Variants in PLPP4 observed in about 807,000 individuals in gnomAD.
The protein encoded by PLPP4 is diacylglycerol pyrophosphate like 2.
In PLPP4, 20 loss-of-function variants were observed where a neutral mutation model predicts 32.2. That is an observed-to-expected ratio of 0.62 (90% CI 0.44 to 0.90). The LOEUF (loss-of-function observed/expected upper bound fraction) is 0.90, where lower values mean the gene tolerates loss of function less well. PLPP4 is among the 40% of genes least tolerant of loss of function. PLPP4 has a pLI of 0.00. For synonymous variants in PLPP4, 127 were observed against 133.0 expected (o/e 0.95, Z 0.31); for missense variants, 257 against 353.1 (o/e 0.73, Z 2.18).
intron 1 of PLPP4, among the ~76,000 whole-genome samples, chr10:120,486,959 A>G (rs1844487474): frequency 6.6e-6 from 1 of 152,230 alleles, no homozygotes; most frequent in South Asian, 2.1e-4. Flanking sequence ...GGGATTCAGA[A>G]GGGGTTTGCT....
chr10:120,486,371 A>C (rs1366542808), intron 1 of PLPP4, among the ~76,000 whole-genome samples: 1 of 152,024 alleles, frequency 6.6e-6, no homozygotes, highest in East Asian at 1.9e-4. Flanking sequence ...AGATGAGGCA[A>C]TACCAATTAG....
At chr10:120,517,242 C>T (rs1048763495) in intron 3 of PLPP4, among the ~76,000 whole-genome samples, 2 of 152,188 alleles carry the variant, frequency 1.3e-5, no homozygotes, top group African/African-American at 4.8e-5. Flanking sequence ...GAAAACACAG[C>T]CGTGAGCGTG....
intron 1 of PLPP4, among the ~76,000 whole-genome samples, chr10:120,465,033 G>A (rs918460288): frequency 1.3e-5 from 2 of 152,162 alleles, no homozygotes; most frequent in African/African-American, 4.8e-5. Flanking sequence ...AGAAGCATAT[G>A]GTTTCATAAC....
At chr10:120,489,144 A>C (rs1206821590) in intron 1 of PLPP4, among the ~76,000 whole-genome samples, 1 of 152,196 alleles carries the variant, frequency 6.6e-6, no homozygotes, top group East Asian at 1.9e-4. Context: ...TATCAAATCC[A>C]ATTCTCAGTG....
chr10:120,586,508 A>G (rs1409679500), intron 6 of PLPP4, among the ~76,000 whole-genome samples: 1 of 152,108 alleles, frequency 6.6e-6, no homozygotes, highest in African/African-American at 2.4e-5. Flanking sequence ...ACATTCCTGG[A>G]ACACTTACAT....
intron 6 of PLPP4, among the ~76,000 whole-genome samples, chr10:120,588,851 G>A (rs1849885300): frequency 2.0e-5 from 3 of 152,198 alleles, no homozygotes; most frequent in Admixed American, 2.0e-4. Flanking sequence ...TTCGAGACCA[G>A]CCTGGCCAAC....
intron 1 of PLPP4, among the ~76,000 whole-genome samples, chr10:120,463,264 G>A (rs1453987649): frequency 1.3e-5 from 2 of 152,026 alleles, no homozygotes; most frequent in Non-Finnish European, 2.9e-5. Context: ...CTGACCTCGT[G>A]ATCTGCCCAC....
chr10:120,564,818 TTG>T (rs1444315158), intron 5 of PLPP4, among the ~76,000 whole-genome samples: 1 of 152,090 alleles, frequency 6.6e-6, no homozygotes, highest in African/African-American at 2.4e-5. Context: ...TCTTTCTTTT[TTG>T]TGTGTGCCCT....
At chr10:120,458,363 T>C (rs1322824192) in intron 1 of PLPP4, among the ~76,000 whole-genome samples, 1 of 152,202 alleles carries the variant, frequency 6.6e-6, no homozygotes, top group Admixed American at 6.5e-5. Flanking sequence ...GGATTTGCCA[T>C]GCATTTATTT....
intron 1 of PLPP4, among the ~76,000 whole-genome samples, chr10:120,470,007 T>C (rs1848448019): frequency 6.6e-6 from 1 of 152,208 alleles, no homozygotes. Context: ...ATTTTCTGGG[T>C]CAAGACCACG....
chr10:120,532,278 A>G (rs1051940962), intron 5 of PLPP4, among the ~76,000 whole-genome samples: 2 of 152,132 alleles, frequency 1.3e-5, no homozygotes, highest in Non-Finnish European at 2.9e-5. Flanking sequence ...TCCATGGTGT[A>G]TATGTACCAC....
intron 1 of PLPP4, among the ~76,000 whole-genome samples, chr10:120,484,419 G>A (rs900537621): frequency 1.6e-4 from 25 of 152,256 alleles, no homozygotes; most frequent in African/African-American, 5.8e-4. Context: ...GTCCAAGATC[G>A]AGGTGCCAGC....
intron 2 of PLPP4, among the ~76,000 whole-genome samples, chr10:120,506,974 C>G (rs970648158): frequency 2.0e-5 from 3 of 152,200 alleles, no homozygotes; most frequent in Admixed American, 6.5e-5. Context: ...ATGCCCAAGG[C>G]CTTTATGGAA....
At chr10:120,544,000 T>G (rs527708576) in intron 5 of PLPP4, among the ~76,000 whole-genome samples, 1 of 152,342 alleles carries the variant, frequency 6.6e-6, no homozygotes, top group African/African-American at 2.4e-5. Context: ...GACATTTTGT[T>G]TGTCCATTCA....
At chr10:120,580,177 G>T (rs59327467) in intron 6 of PLPP4, among the ~76,000 whole-genome samples, 1 of 149,876 alleles carries the variant, frequency 6.7e-6, no homozygotes, top group Non-Finnish European at 1.5e-5. Context: ...ACAGCTCTCA[G>T]ATGAACTTCT....
chr10:120,535,304 T>C (rs182971969), intron 5 of PLPP4, among the ~76,000 whole-genome samples: 1 of 152,288 alleles, frequency 6.6e-6, no homozygotes, highest in Admixed American at 6.5e-5. Flanking sequence ...TTATAAATTT[T>C]TAGTTTTATT....
intron 5 of PLPP4, among the ~76,000 whole-genome samples, chr10:120,527,250 A>T (rs994592333): frequency 2.6e-5 from 4 of 152,146 alleles, no homozygotes; most frequent in African/African-American, 9.7e-5. Flanking sequence ...GGCAGGCTGG[A>T]AATTCAGGTA....
chr10:120,537,777 A>C (rs1847098205), intron 5 of PLPP4, among the ~76,000 whole-genome samples: 1 of 152,152 alleles, frequency 6.6e-6, no homozygotes, highest in Admixed American at 6.6e-5. Context: ...ACATATATCA[A>C]AATATCACAT....
chr10:120,578,824 C>T (rs1264513724), intron 6 of PLPP4, among the ~76,000 whole-genome samples: 1 of 152,200 alleles, frequency 6.6e-6, no homozygotes, highest in Non-Finnish European at 1.5e-5. Flanking sequence ...GGCCTGTGTC[C>T]TTGTGACATT....
Sources: allele counts gnomAD v4.1 joint callset (sites outside exome capture counted in the v4.1 genomes callset), GRCh38; gene constraint gnomAD v4.1.1; transcripts MANE v1.5; gene names NCBI Gene and HGNC (gene_info 2026-07-23, HGNC 2026-07-21).